The following MCCC2 variants were observed in gnomAD, a reference collection of about 807,000 sequenced individuals.
MCCC2 encodes the protein methylcrotonoyl-CoA carboxylase beta chain, mitochondrial.
Under a neutral mutation model 77.2 loss-of-function variants are expected in MCCC2, and 52 were observed. The ratio of observed to expected loss-of-function variants is 0.67; its 90% CI spans 0.54 to 0.85. MCCC2 has a LOEUF of 0.85. MCCC2 is among the 40% of genes least tolerant of loss of function. MCCC2 has a pLI of 0.00. For missense variants in MCCC2, 682 were observed against 703.2 expected, an observed-to-expected ratio of 0.97 and a Z score of 0.34; for synonymous variants, 253 against 248.4, an observed-to-expected ratio of 1.02 and a Z score of -0.18.
intron 12 of MCCC2, among the ~76,000 whole-genome samples, chr5:71,645,417 G>A (rs1747248908): frequency 6.6e-6 from 1 of 152,172 alleles, no homozygotes; most frequent in Admixed American, 6.5e-5. Flanking sequence ...GGAAGAAATA[G>A]TTGTATTTTT....
intron 10 of MCCC2, among the ~76,000 whole-genome samples, chr5:71,640,191 A>T (rs1409289076): frequency 6.6e-6 from 1 of 152,182 alleles, no homozygotes; most frequent in Non-Finnish European, 1.5e-5. Context: ...AGTCTTTATT[A>T]AGTGCTTAAT....
intron 13 of MCCC2, among the ~76,000 whole-genome samples, chr5:71,647,173 C>G (rs1322735993): frequency 6.6e-6 from 1 of 152,128 alleles, no homozygotes; most frequent in African/African-American, 2.4e-5. Context: ...AACAGCCTCC[C>G]CCATCCCAGG....
At chr5:71,631,976 G>C in intron 7 of MCCC2, 145 bp from the exon 8 acceptor site, 4 of 767,682 alleles carry the variant, frequency 5.2e-6, no homozygotes, top group Non-Finnish European at 9.3e-6. Flanking sequence ...GGTTTCCTAG[G>C]TGCATGAATG....
At chr5:71,621,650 C>G (rs1295503642) in intron 6 of MCCC2, among the ~76,000 whole-genome samples, 1 of 152,052 alleles carries the variant, frequency 6.6e-6, no homozygotes, top group African/African-American at 2.4e-5. Context: ...TTAGTGAGCT[C>G]TTTTATCTCT....
At chr5:71,639,004 T>C (rs116286320) in intron 10 of MCCC2, among the ~76,000 whole-genome samples, 8,637 of 152,222 alleles carry the variant, frequency 0.057, 297 homozygotes, top group South Asian at 0.1. Context: ...AAGAAATCTT[T>C]TTTTCTGAGT....
Position 71,626,466 on chromosome 5 carries a change from A to G in MCCC2, c.625-174A>G, listed in dbSNP as rs961193958. ...AAGCCCTTCAAAATGTTTTGATACA[A>G]GAAGTCAGAAAACTATTTCAAACAT... On this transcript the variant is annotated intron_variant, in intron 6 of 16. Transcript: ENST00000340941. 1.2e-4 allele frequency among the ~76,000 whole-genome samples: 18 copies of G among 152,368 alleles called. No homozygotes were observed. In the Middle Eastern group the frequency reaches 0.01, roughly 86 times the overall value.
chr5:71,650,899 T>A (rs1747420645), intron 15 of MCCC2, among the ~76,000 whole-genome samples: 1 of 152,228 alleles, frequency 6.6e-6, no homozygotes, highest in Non-Finnish European at 1.5e-5. Flanking sequence ...TCCACTCGCC[T>A]TGGCCTCCCA....
chr5:71,602,154 AT>A (rs969919141), intron 4 of MCCC2, among the ~76,000 whole-genome samples: 164 of 150,218 alleles, frequency 1.1e-3, no homozygotes, highest in Middle Eastern at 7.0e-3. Flanking sequence ...TGAGACTTGG[AT>A]TTTTTTTTTC....
intron 16 of MCCC2, 137 bp from the exon 17 acceptor site, chr5:71,656,606 G>T (rs1747587803): frequency 5.2e-6 from 4 of 771,716 alleles, no homozygotes; most frequent in Non-Finnish European, 9.4e-6. Flanking sequence ...TCTGTTGTGA[G>T]ATTATGGTAC....
chr5:71,604,619 T>C, intron 6 of MCCC2, 151 bp downstream of exon 6: 1 of 656,144 alleles, frequency 1.5e-6, no homozygotes, highest in Non-Finnish European at 2.6e-6. Flanking sequence ...TTAGGGTACA[T>C]GTGCACATTG....
intron 6 of MCCC2, among the ~76,000 whole-genome samples, chr5:71,610,388 C>T (rs978782765): frequency 9.2e-5 from 14 of 152,188 alleles, no homozygotes; most frequent in African/African-American, 9.6e-5. Flanking sequence ...TGACCCCTTG[C>T]GCTTCCCAAG....
At chr5:71,589,197 A>C (rs1274162539) in intron 1 of MCCC2, among the ~76,000 whole-genome samples, 1 of 152,246 alleles carries the variant, frequency 6.6e-6, no homozygotes. Flanking sequence ...CCAACTGGGC[A>C]GAATATTTAG....
intron 6 of MCCC2, among the ~76,000 whole-genome samples, chr5:71,621,300 G>C (rs1346560820): frequency 6.6e-6 from 1 of 152,032 alleles, no homozygotes; most frequent in Non-Finnish European, 1.5e-5. Context: ...CTTGAGCCAG[G>C]AGTGCTACCT....
At chr5:71,588,398 G>A (rs925668170) in intron 1 of MCCC2, among the ~76,000 whole-genome samples, 2 of 152,148 alleles carry the variant, frequency 1.3e-5, no homozygotes, top group African/African-American at 4.8e-5. Flanking sequence ...ATCAGAGCTG[G>A]AAAATTTCAC....
chr5:71,596,068 G>C (rs559970411), intron 2 of MCCC2, among the ~76,000 whole-genome samples: 27 of 142,636 alleles, frequency 1.9e-4, no homozygotes, highest in Admixed American at 6.3e-4. Context: ...TCTAAAATCA[G>C]GGATAGATTG....
chr5:71,614,484 CTT>C (rs34050987), intron 6 of MCCC2, among the ~76,000 whole-genome samples: 24 of 139,148 alleles, frequency 1.7e-4, no homozygotes, highest in East Asian at 8.3e-4. Context: ...CTCTCTCTCT[CTT>C]TTTTTTTTTT....
chr5:71,597,198 G>T (rs1278006854), intron 3 of MCCC2, among the ~76,000 whole-genome samples: 1 of 152,030 alleles, frequency 6.6e-6, no homozygotes, highest in East Asian at 2.0e-4. Flanking sequence ...AGGCCCTGAG[G>T]TGGGAGTGTG....
intron 6 of MCCC2, among the ~76,000 whole-genome samples, chr5:71,607,705 T>C (rs946526065): frequency 6.7e-6 from 1 of 149,704 alleles, no homozygotes; most frequent in Non-Finnish European, 1.5e-5. Flanking sequence ...CTTTCTCTTG[T>C]GGGCATTTAG....
chr5:71,646,056 T>C (rs1006587243), intron 12 of MCCC2, among the ~76,000 whole-genome samples, 155 bp from the exon 13 acceptor site: 2 of 74,900 alleles, frequency 2.7e-5, no homozygotes, highest in Non-Finnish European at 6.4e-5. Flanking sequence ...AGTGAGACCA[T>C]GTTTCTTTAA....
Sources: gnomAD v4.1 joint callset for allele counts (sites outside exome capture counted in the v4.1 genomes callset) on GRCh38, gnomAD v4.1.1 for gene constraint, MANE v1.5 for transcripts, NCBI Gene and HGNC (gene_info 2026-07-23, HGNC 2026-07-21) for gene names.